The following E2F6 variants were observed in gnomAD, a reference collection of about 807,000 sequenced individuals.
E2F6 encodes transcription factor E2F6.
A neutral mutation model predicts 31.5 loss-of-function variants in E2F6; 19 were observed. The ratio of observed to expected loss-of-function variants is 0.60; its 90% CI spans 0.42 to 0.89. E2F6 has a LOEUF of 0.89. Ranked by LOEUF, E2F6 falls within the 40% of genes least tolerant of loss-of-function variation. E2F6 has a pLI of 0.00. For synonymous variants in E2F6, 121 were observed against 127.7 expected, an observed-to-expected ratio of 0.95 and a Z score of 0.36; for missense variants, 269 against 341.6, an observed-to-expected ratio of 0.79 and a Z score of 1.67.
At position 11,465,912 on chromosome 2, in the gene E2F6, C is replaced by T; in HGVS notation, c.-33G>A. ...GGCCGGGCGTCCTGCTCCCCTCGCA[C>T]CCCACGAGCTCTCCCGCCCTCTCGC... On this transcript the variant is annotated 5_prime_UTR_variant, in exon 1 of 7. The change creates a new upstream start codon in the 5' untranslated region. Transcript: ENST00000381525. 6.7e-7 allele frequency: 1 copy of T among 1,497,822 alleles called. No individual in the cohort carries two copies. 92.8% of individuals were successfully genotyped at this position (1,497,822 alleles called of 1,614,324 possible).
chr2:11,454,855 G>A (rs545270086), intron 2 of E2F6, among the ~76,000 whole-genome samples: 4 of 152,008 alleles, frequency 2.6e-5, no homozygotes, highest in Non-Finnish European at 5.9e-5. Context: ...TTTGCAACAC[G>A]TTCTTTTAAC....
chr2:11,446,742 G>A (rs1670739216), intron 6 of E2F6, among the ~76,000 whole-genome samples: 1 of 152,128 alleles, frequency 6.6e-6, no homozygotes, highest in South Asian at 2.1e-4. Flanking sequence ...GCACCCGTCC[G>A]AGAATGGAGG....
chr2:11,451,348 C>CT (rs61072678), intron 4 of E2F6: 1,172 of 105,690 alleles, frequency 0.011, 20 homozygotes, highest in African/African-American at 0.036. Flanking sequence ...TTTTACCTAA[C>CT]TTTTTTTTTT....
rs145938903 is a variant in E2F6 at position 11,465,787 on chromosome 2, G to A, written c.93C>T (p.Asn31=). 2.4e-4 allele frequency: 387 copies of A among 1,599,232 alleles called. 1 individual carries two copies. The East Asian group carries it at 3.3e-3, about 13-fold the overall frequency. ...CGGAGCTTACCAGCAGGCCCTCCAC[G>A]TTGATGGGGTCTCGGCACCGACGGC... ...TVRRRCRDPI[N]VEGLLPSKIR... is the part of the protein sequence containing the mutation. Residue 31 remains asparagine (N), a synonymous_variant, in exon 1 of 7, where the codon AAC becomes AAT. Transcript: ENST00000381525.
At chr2:11,458,207 G>A in intron 1 of E2F6, 1 of 1,513,136 alleles carries the variant, frequency 6.6e-7, no homozygotes, top group Non-Finnish European at 9.0e-7. Context: ...CAAAACTGGG[G>A]CAAGTGAATT....
Position 11,457,185 on chromosome 2 carries a change from T to G in E2F6, c.157A>C (p.Met53Leu). 1 of 1,560,728 alleles carries G rather than the reference T, an allele frequency of 6.4e-7. No homozygotes were observed. The highest frequency in any genetic ancestry group is 8.8e-7 in the Non-Finnish European group (1 of 1,134,976). The change falls in exon 2 of 7, where the codon ATG becomes CTG. Residue 53 changes from methionine (M) to leucine (L), a missense_variant. Met to Leu is a conservative substitution (Grantham distance 15). Coordinates refer to ENST00000381525, the MANE Select transcript of E2F6 (RefSeq NM_198256.4). Reference protein sequence around the residue: ...NLEDNVQYVSMRKALKVKRPR... With the variant: ...NLEDNVQYVSLRKALKVKRPR... ...TATTCAGGAATCAACTTACTTCTCA[T>G]GGACACATATTGTACATTATCTTCT...
In E2F6 at chr2:11,465,191, A is replaced by AAG. The variant is rs1553336816; in HGVS notation, c.108+580_108+581insCT. ...AAAACTCAATCTCAAAAAAAAAAAA[A>AAG]AAAAAGAAAAAAAAGAAAGAAAAGA... On this transcript the variant is annotated intron_variant, in intron 1 of 6. Coordinates refer to ENST00000381525, the MANE Select transcript of E2F6 (RefSeq NM_198256.4). Among the ~76,000 whole-genome samples, 1,325 of 142,134 alleles carry AAG rather than the reference A, an allele frequency of 9.3e-3. 17 individuals carry two copies. The highest frequency in any genetic ancestry group is 0.036 in the African/African-American group (1,245 of 34,924). The allele number at this position is 142,134 out of a possible 152,430, so 93.2% of individuals were successfully genotyped here. A position where few individuals can be genotyped will look rare whatever the true frequency, so the allele number is the denominator to read the frequency against.
chr2:11,460,765 G>A (rs1248505265), intron 1 of E2F6, among the ~76,000 whole-genome samples: 1 of 152,202 alleles, frequency 6.6e-6, no homozygotes, highest in Non-Finnish European at 1.5e-5. Context: ...AACCTGTAGA[G>A]CATGTGACTG....
chr2:11,451,227 G>C (rs906567432), intron 4 of E2F6: 2 of 153,124 alleles, frequency 1.3e-5, no homozygotes, highest in African/African-American at 2.4e-5. Context: ...CATCAACCTT[G>C]GTTTGGTACT....
rs2148329296 is a variant in E2F6 at position 11,445,591 on chromosome 2, A to C, written c.*886T>G. 6.6e-6 allele frequency: 1 copy of C among 152,178 alleles called. No homozygotes were observed. 9.4% of individuals were successfully genotyped at this position (152,178 alleles called of 1,614,324 possible). On this transcript the variant is annotated 3_prime_UTR_variant, in exon 7 of 7. Transcript: ENST00000381525. ...CACAAACATTACAAAATCTACTTGC[A>C]AAAACCTGAAAGGAGTTTCCAATTA...
intron 2 of E2F6, chr2:11,455,421 CA>C: frequency 7.8e-7 from 1 of 1,286,044 alleles, no homozygotes; most frequent in South Asian, 1.3e-5. Context: ...ACTTCAGGAA[CA>C]AAGGTACATA....
In E2F6 at chr2:11,445,256, T is replaced by C. The variant is rs984171549; in HGVS notation, c.*1221A>G. On this transcript the variant is annotated 3_prime_UTR_variant, in exon 7 of 7. Transcript: ENST00000381525. Reference sequence around the variant, plus strand: ...TCTTGTACGATAGACAAACCAAATATTATTATTCTGATCTTACAATTCACT... The same window carrying C: ...TCTTGTACGATAGACAAACCAAATACTATTATTCTGATCTTACAATTCACT... 6.6e-6 allele frequency: 1 copy of C among 152,432 alleles called. No individual in the cohort carries two copies. Among genetic ancestry groups the C allele is most frequent in the African/African-American group, 2.4e-5 (1 of 41,462 alleles). 9.4% of individuals were successfully genotyped at this position (152,432 alleles called of 1,614,324 possible).
chr2:11,458,860 T>C (rs1671583350), intron 1 of E2F6, among the ~76,000 whole-genome samples: 2 of 152,190 alleles, frequency 1.3e-5, no homozygotes, highest in African/African-American at 4.8e-5. Flanking sequence ...TGCTAGGGCA[T>C]GCAACACTGG....
At chr2:11,460,365 C>T (rs1671700951) in intron 1 of E2F6, among the ~76,000 whole-genome samples, 1 of 152,158 alleles carries the variant, frequency 6.6e-6, no homozygotes, top group Non-Finnish European at 1.5e-5. Flanking sequence ...ATGCTATTTT[C>T]TCCCTTCTCA....
At chr2:11,449,880 G>C (rs138451693) in intron 5 of E2F6, 132 bp downstream of exon 5, 6,042 of 528,288 alleles carry the variant, frequency 0.011, 51 homozygotes, top group Middle Eastern at 0.025. Context: ...AATGTGTGAA[G>C]TGCCTTGAGC....
At chr2:11,465,598 C>G (rs575692429) in intron 1 of E2F6, among the ~76,000 whole-genome samples, 174 bp downstream of exon 1, 2 of 152,252 alleles carry the variant, frequency 1.3e-5, no homozygotes, top group African/African-American at 4.8e-5. Flanking sequence ...CGTCTGTGAG[C>G]AGATGCTGAA....
At chr2:11,448,553 G>A (rs563093825) in intron 5 of E2F6, among the ~76,000 whole-genome samples, 188 of 152,262 alleles carry the variant, frequency 1.2e-3, no homozygotes, top group African/African-American at 4.2e-3. Flanking sequence ...CCTCTCAGAC[G>A]GTCTCAGAGC....
rs376044108 is a variant in E2F6, at chr2:11,453,815, A to T, written c.164-17T>A. The T allele has an allele frequency of 3.8e-6, 6 of 1,590,232 alleles. No individual in the cohort carries two copies. The highest frequency in any genetic ancestry group is 1.4e-5 in the African/African-American group (1 of 73,988). On this transcript the variant is annotated splice_polypyrimidine_tract_variant and intron_variant, in intron 2 of 6. Coordinates refer to ENST00000381525, the MANE Select transcript of E2F6 (RefSeq NM_198256.4). ...TTAGAGCTTCTGGGAAACAAAATAA[A>T]CATATTTGTAAAATTTTAAATAACA...
At chr2:11,463,930 C>A (rs1671942719) in intron 1 of E2F6, among the ~76,000 whole-genome samples, 2 of 117,468 alleles carry the variant, frequency 1.7e-5, no homozygotes, top group South Asian at 2.8e-4. Flanking sequence ...GCCAGGGTGA[C>A]AGAGTGAGAT....
Sources: allele counts gnomAD v4.1 joint callset (sites outside exome capture counted in the v4.1 genomes callset), GRCh38; gene constraint gnomAD v4.1.1; transcripts MANE v1.5; gene names NCBI Gene and HGNC (gene_info 2026-07-23, HGNC 2026-07-21).